PHF3: variants seen among roughly 807,000 people sequenced by gnomAD.
The protein encoded by PHF3 is PHD finger protein 3.
PHF3 carries 41 observed loss-of-function variants against 178.4 expected under a neutral mutation model. The observed-to-expected ratio is 0.23, with a 90% confidence interval of 0.18 to 0.30. PHF3 has a LOEUF of 0.30. Ranked by LOEUF, PHF3 falls within the 10% of genes least tolerant of loss-of-function variation. PHF3 has a pLI of 1.00. For missense variants in PHF3, 2,346 were observed against 2,398.1 expected (o/e 0.98, Z 0.45); for synonymous variants, 842 against 800.5 (o/e 1.05, Z -0.88).
intron 1 of PHF3, among the ~76,000 whole-genome samples, chr6:63,638,408 A>T (rs1340529408): frequency 6.6e-6 from 1 of 152,124 alleles, no homozygotes; most frequent in East Asian, 1.9e-4. Context: ...ATCTTCCTTA[A>T]CATGGTGGGA....
At chr6:63,641,212 G>C (rs1764556305) in intron 1 of PHF3, among the ~76,000 whole-genome samples, 1 of 152,086 alleles carries the variant, frequency 6.6e-6, no homozygotes, top group South Asian at 2.1e-4. Context: ...TGTACTTCTG[G>C]GTCTTTGTCT....
At chr6:63,646,857 C>G (rs576877394) in intron 2 of PHF3, 62 bp downstream of exon 2, 316 of 1,102,254 alleles carry the variant, frequency 2.9e-4, no homozygotes, top group Non-Finnish European at 3.5e-4. Context: ...AAAAAATTTT[C>G]AGCAGCTTTT....
chr6:63,706,993 A>G, intron 13 of PHF3, 117 bp downstream of exon 13: 3 of 848,760 alleles, frequency 3.5e-6, no homozygotes, highest in Non-Finnish European at 5.5e-6. Flanking sequence ...AATGATTTTT[A>G]AACAGTCCAA....
chr6:63,708,826 G>C (rs1767802107), intron 13 of PHF3, among the ~76,000 whole-genome samples: 1 of 152,162 alleles, frequency 6.6e-6, no homozygotes, highest in South Asian at 2.1e-4. Flanking sequence ...CTAATATTCT[G>C]AAATGTGTTG....
Position 63,717,714 on chromosome 6 carries a change from T to A in PHF3, c.*4006T>A, listed in dbSNP as rs1049207631. Among the ~76,000 whole-genome samples the A allele has an allele frequency of 6.6e-6, 1 of 152,002 alleles. No individual in the cohort carries two copies. Among genetic ancestry groups the A allele is most frequent in the Admixed American group, 6.6e-5 (1 of 15,214 alleles). ...ATAACTCTAAATATCCCCAAAATAC[T>A]TTTTCTATGAAATAATTCAGTGTGT... On this transcript the variant is annotated 3_prime_UTR_variant, in exon 16 of 16. Transcript: ENST00000262043.
At chr6:63,690,754 G>C (rs1303808695) in intron 4 of PHF3, among the ~76,000 whole-genome samples, 3 of 152,132 alleles carry the variant, frequency 2.0e-5, no homozygotes, top group African/African-American at 7.2e-5. Flanking sequence ...TTGTCTGAAA[G>C]CATTGCAGCT....
chr6:63,685,991 GTTT>G (rs1239395760), intron 4 of PHF3, 80 bp downstream of exon 4: 1 of 934,360 alleles, frequency 1.1e-6, no homozygotes, highest in Admixed American at 2.3e-5. Context: ...TGTGAGAATT[GTTT>G]TAAAGACATT....
chr6:63,710,565 C>A (rs1232878408), intron 14 of PHF3, among the ~76,000 whole-genome samples: 1 of 152,154 alleles, frequency 6.6e-6, no homozygotes, highest in African/African-American at 2.4e-5. Context: ...TCTTTTCTAT[C>A]TGAAACAAAA....
At position 63,685,839 on chromosome 6, in the gene PHF3, C is replaced by A; in HGVS notation, c.2117C>A (p.Ser706Tyr). 1 of 1,613,638 alleles carries A rather than the reference C, an allele frequency of 6.2e-7. No homozygotes were observed. The highest frequency in any genetic ancestry group is 8.5e-7 in the Non-Finnish European group (1 of 1,180,014). Reference protein sequence around the residue: ...TIRREGSDHSSSFESKYMWTP... With the variant: ...TIRREGSDHSYSFESKYMWTP... ...AGAAGAGAAGGCTCTGATCATAGCT[C>A]CTCATTTGAAAGCAAATATATGTGG... The change falls in exon 4 of 16, where the codon TCC (serine) becomes TAC (tyrosine). Residue 706 changes from serine to tyrosine, a missense_variant. This residue lies in a region of PHF3 where 72 missense variants were observed against 110.5 expected (regional missense o/e 0.65). Transcript: ENST00000262043.
At position 63,721,620 on chromosome 6, in the gene PHF3, AC is replaced by A; in HGVS notation, c.*7913del. On this transcript the variant is annotated 3_prime_UTR_variant, in exon 16 of 16. Transcript: ENST00000262043. ...CATTTTAGTGGAGGCCTTTTCTGTT[AC>A]ATTTATCCCATCTAGATCCAGGTAG... 1 of 1,551,296 alleles carries A rather than the reference AC, an allele frequency of 6.4e-7. No individual in the cohort carries two copies. The highest frequency in any genetic ancestry group is 1.2e-5 in the South Asian group (1 of 84,058).
chr6:63,688,853 T>C (rs1766868939), intron 4 of PHF3, among the ~76,000 whole-genome samples: 1 of 152,254 alleles, frequency 6.6e-6, no homozygotes, highest in African/African-American at 2.4e-5. Context: ...ACTAGATACA[T>C]TGAAAGCTGT....
intron 2 of PHF3, 112 bp from the exon 3 acceptor site, chr6:63,679,888 A>G (rs113423383): frequency 5.7e-6 from 5 of 872,510 alleles, no homozygotes; most frequent in East Asian, 5.2e-5. Context: ...CCAGATTTTC[A>G]AGAGTATGTA....
intron 2 of PHF3, among the ~76,000 whole-genome samples, chr6:63,654,804 ATTTTCGCTTTTGCTGGTTAT>A (rs1429402664): frequency 6.8e-6 from 1 of 148,000 alleles, no homozygotes; most frequent in African/African-American, 2.5e-5. Flanking sequence ...GGCATATAGG[ATTTTCGCTTTTGCTGGTTAT>A]GACCCGTTGA....
chr6:63,692,071 G>C, intron 5 of PHF3, 28 bp downstream of exon 5: 1 of 1,507,460 alleles, frequency 6.6e-7, no homozygotes, highest in African/African-American at 1.4e-5. Context: ...GCATTATTTT[G>C]TTTATTTAAG....
chr6:63,679,165 T>G (rs1340410413), intron 2 of PHF3: 2 of 155,038 alleles, frequency 1.3e-5, no homozygotes, highest in African/African-American at 4.8e-5. Flanking sequence ...AATAATCACG[T>G]TCTTTTTGGC....
Position 63,709,341 on chromosome 6 carries a change from G to T in PHF3, c.3801+101G>T. ...GGTGCAAAGTCTCCTGGGGAAAGGA[G>T]GCAATACACATTTTAAGTCTATGTA... is the stretch of plus-strand genomic sequence containing the variant. On this transcript the variant is annotated intron_variant, in intron 14 of 15. Coordinates refer to ENST00000262043, the MANE Select transcript of PHF3 (RefSeq NM_001370348.2). 2 of 782,260 alleles carry T rather than the reference G, an allele frequency of 2.6e-6. 1 individual carries two copies. The highest frequency in any genetic ancestry group is 4.3e-6 in the Non-Finnish European group (2 of 460,610). 48.5% of individuals were successfully genotyped at this position (782,260 alleles called of 1,614,324 possible). A position where few individuals can be genotyped will look rare whatever the true frequency, so the allele number is the denominator to read the frequency against.
chr6:63,680,805 T>C (rs1233662308), intron 3 of PHF3, among the ~76,000 whole-genome samples: 2 of 152,068 alleles, frequency 1.3e-5, no homozygotes, highest in African/African-American at 4.8e-5. Context: ...AAACACCTCT[T>C]GGAGCCTTCT....
intron 4 of PHF3, among the ~76,000 whole-genome samples, 195 bp from the exon 5 acceptor site, chr6:63,691,542 C>CT (rs1401467612): frequency 6.6e-6 from 1 of 152,004 alleles, no homozygotes; most frequent in Non-Finnish European, 1.5e-5. Context: ...TATTTGAGGT[C>CT]TTAAAGGTAT....
At position 63,694,646 on chromosome 6, in the gene PHF3, T is replaced by C; in HGVS notation, c.2562T>C (p.Ala854=). ...ATGAAATTAAAAAATGGCAGCTAGC[T>C]CCTCTTCGTAAGATGGGACAACCAG... ...RDNEIKKWQL[A]PLRKMGQPVL... The change falls in exon 6 of 16, where the codon GCT becomes GCC. Residue 854 remains alanine, a synonymous_variant. Coordinates refer to ENST00000262043, the MANE Select transcript of PHF3 (RefSeq NM_001370348.2). The C allele has an allele frequency of 6.3e-7, 1 of 1,589,456 alleles. No individual in the cohort carries two copies. The highest frequency in any genetic ancestry group is 8.6e-7 in the Non-Finnish European group (1 of 1,166,682).
Sources: allele counts gnomAD v4.1 joint callset (sites outside exome capture counted in the v4.1 genomes callset), GRCh38; gene constraint gnomAD v4.1.1; regional missense constraint gnomAD v4.1.1; transcripts MANE v1.5; gene names NCBI Gene and HGNC (gene_info 2026-07-23, HGNC 2026-07-21).